KCND2: variants seen among roughly 807,000 people sequenced by gnomAD.
KCND2 encodes potassium voltage-gated channel subfamily D member 2.
KCND2 carries 16 observed loss-of-function variants against 54.4 expected under a neutral mutation model. That is an observed-to-expected ratio of 0.29 (90% CI 0.20 to 0.45). The LOEUF is 0.45. Among genes scored for constraint, KCND2 ranks in the 20% least tolerant of loss-of-function variants. KCND2 has a pLI of 1.00. For synonymous variants in KCND2, 317 were observed against 310.7 expected, an observed-to-expected ratio of 1.02 and a Z score of -0.21; for missense variants, 486 against 824.2, an observed-to-expected ratio of 0.59 and a Z score of 5.02.
chr7:120,486,839 T>TAG (rs991013101), intron 1 of KCND2, among the ~76,000 whole-genome samples: 43 of 152,088 alleles, frequency 2.8e-4, no homozygotes, highest in African/African-American at 1.0e-3. Flanking sequence ...TATATGGGAC[T>TAG]AGAGCTTGAG....
intron 1 of KCND2, among the ~76,000 whole-genome samples, chr7:120,607,382 TAAA>T (rs1258088779): frequency 6.6e-6 from 1 of 152,154 alleles, no homozygotes; most frequent in African/African-American, 2.4e-5. Flanking sequence ...ATGAAGATAT[TAAA>T]TATTCATGGA....
chr7:120,747,066 T>C (rs1227963159), intron 5 of KCND2, among the ~76,000 whole-genome samples: 6 of 152,124 alleles, frequency 3.9e-5, no homozygotes, highest in African/African-American at 1.4e-4. Context: ...GAAAATAAAA[T>C]AATCAGTTTC....
chr7:120,394,636 C>CTAT (rs1356851388), intron 1 of KCND2, among the ~76,000 whole-genome samples: 2 of 151,922 alleles, frequency 1.3e-5, no homozygotes, highest in Non-Finnish European at 2.9e-5. Flanking sequence ...TAGGGAGGGA[C>CTAT]TATTATCATT....
At chr7:120,548,834 C>T (rs943978031) in intron 1 of KCND2, among the ~76,000 whole-genome samples, 2 of 152,014 alleles carry the variant, frequency 1.3e-5, no homozygotes, top group Non-Finnish European at 2.9e-5. Flanking sequence ...CTGATGAAGA[C>T]TGTAAAAAGG....
At chr7:120,314,114 A>G (rs553570498) in intron 1 of KCND2, among the ~76,000 whole-genome samples, 71 of 152,142 alleles carry the variant, frequency 4.7e-4, no homozygotes, top group Middle Eastern at 3.4e-3. Flanking sequence ...CTTGCTTCAA[A>G]AAGAGTCCTA....
intron 1 of KCND2, among the ~76,000 whole-genome samples, chr7:120,694,294 C>A (rs573430474): frequency 6.6e-6 from 1 of 152,246 alleles, no homozygotes; most frequent in South Asian, 2.1e-4. Flanking sequence ...GGATACAACC[C>A]TTTTAATGTT....
chr7:120,659,306 T>C (rs147382902), intron 1 of KCND2, among the ~76,000 whole-genome samples: 6 of 123,636 alleles, frequency 4.9e-5, no homozygotes, highest in African/African-American at 2.4e-4. Flanking sequence ...CATCCCACAA[T>C]AGGACTAAAG....
At chr7:120,438,682 A>G (rs1801904060) in intron 1 of KCND2, among the ~76,000 whole-genome samples, 1 of 152,148 alleles carries the variant, frequency 6.6e-6, no homozygotes, top group Non-Finnish European at 1.5e-5. Flanking sequence ...TTAAATCTAA[A>G]ATGACTTGTC....
At chr7:120,558,088 G>T (rs528351305) in intron 1 of KCND2, among the ~76,000 whole-genome samples, 1 of 151,736 alleles carries the variant, frequency 6.6e-6, no homozygotes, top group Non-Finnish European at 1.5e-5. Context: ...ATTTTTTCAC[G>T]GATCTCCAAC....
At chr7:120,406,651 T>C (rs1357019534) in intron 1 of KCND2, among the ~76,000 whole-genome samples, 1 of 152,002 alleles carries the variant, frequency 6.6e-6, no homozygotes, top group Non-Finnish European at 1.5e-5. Flanking sequence ...AAAAGATTGC[T>C]TTACTGGAGA....
At chr7:120,739,798 A>AACACAC (rs10571787) in intron 2 of KCND2, among the ~76,000 whole-genome samples, 3,565 of 144,034 alleles carry the variant, frequency 0.025, 50 homozygotes, top group Non-Finnish European at 0.033. Context: ...TAACAAAAGA[A>AACACAC]ACACACACAC....
chr7:120,313,986 A>G (rs1449075725), intron 1 of KCND2, among the ~76,000 whole-genome samples: 2 of 151,858 alleles, frequency 1.3e-5, no homozygotes, highest in African/African-American at 2.4e-5. Flanking sequence ...CTGAGCTTCT[A>G]CTTGCTTCAA....
chr7:120,447,911 T>A (rs897069071), intron 1 of KCND2, among the ~76,000 whole-genome samples: 4 of 152,140 alleles, frequency 2.6e-5, no homozygotes, highest in Non-Finnish European at 4.4e-5. Flanking sequence ...TTTTAGTTTT[T>A]GAAGTTCAGG....
intron 1 of KCND2, among the ~76,000 whole-genome samples, chr7:120,342,138 C>T (rs114362011): frequency 1.5e-3 from 227 of 152,146 alleles, no homozygotes; most frequent in African/African-American, 5.0e-3. Flanking sequence ...TGAAAATCTT[C>T]GGAGAAAATT....
chr7:120,609,390 A>G (rs1527652), intron 1 of KCND2, among the ~76,000 whole-genome samples: 145,508 of 151,964 alleles, frequency 0.96, 70,215 homozygotes, highest in African/African-American at 0.99. Flanking sequence ...GCAGACTTGG[A>G]AACTTACTAA....
At chr7:120,572,933 A>G (rs936569491) in intron 1 of KCND2, among the ~76,000 whole-genome samples, 1 of 152,190 alleles carries the variant, frequency 6.6e-6, no homozygotes, top group Admixed American at 6.6e-5. Flanking sequence ...CAAACATGAG[A>G]TATTTTTCTT....
rs79226283 is a variant in KCND2 at position 120,304,023 on chromosome 7, A to G, written c.1115+28276A>G. On this transcript the variant is annotated intron_variant, in intron 1 of 5. Coordinates refer to ENST00000331113, the MANE Select transcript of KCND2 (RefSeq NM_012281.3). Reference sequence around the variant, plus strand: ...TGCATTATTGAAGCTTTTGACAGAGAGTGTCAAAAATTATTCTGAAACAAC... The same window carrying G: ...TGCATTATTGAAGCTTTTGACAGAGGGTGTCAAAAATTATTCTGAAACAAC... Among the ~76,000 whole-genome samples, 984 of 152,208 alleles carry G rather than the reference A, an allele frequency of 6.5e-3. 17 individuals carry two copies. Among genetic ancestry groups the G allele is most frequent in the African/African-American group, 0.022 (921 of 41,544 alleles).
intron 1 of KCND2, among the ~76,000 whole-genome samples, chr7:120,448,886 T>TA (rs2116212627): frequency 6.6e-6 from 1 of 152,294 alleles, no homozygotes; most frequent in East Asian, 1.9e-4. Flanking sequence ...CTGTTAGGAA[T>TA]ATGAAAGTAT....
At chr7:120,736,990 G>A (rs1319545596) in intron 2 of KCND2, among the ~76,000 whole-genome samples, 1 of 148,226 alleles carries the variant, frequency 6.7e-6, no homozygotes, top group African/African-American at 2.5e-5. Flanking sequence ...CACCCTGCTA[G>A]GGTGGTTTTC....
Sources: gnomAD v4.1 joint callset for allele counts (sites outside exome capture counted in the v4.1 genomes callset) on GRCh38, gnomAD v4.1.1 for gene constraint, MANE v1.5 for transcripts, NCBI Gene and HGNC (gene_info 2026-07-23, HGNC 2026-07-21) for gene names.